The following SPATS2 variants were observed in gnomAD, a reference collection of about 807,000 sequenced individuals.
The protein encoded by SPATS2 is spermatogenesis associated serine rich 2.
SPATS2 carries 38 observed loss-of-function variants against 63.7 expected under a neutral mutation model. That is an observed-to-expected ratio of 0.60 (90% CI 0.46 to 0.78). SPATS2 has a LOEUF of 0.78. Ranked by LOEUF, SPATS2 falls within the 30% of genes least tolerant of loss-of-function variation. SPATS2 has a pLI of 0.00. For synonymous variants in SPATS2, 207 were observed against 232.9 expected (o/e 0.89, Z 1.01); for missense variants, 588 against 666.2 (o/e 0.88, Z 1.29).
At chr12:49,388,089 T>G (rs2137229425) in intron 2 of SPATS2, among the ~76,000 whole-genome samples, 1 of 152,220 alleles carries the variant, frequency 6.6e-6, no homozygotes, top group South Asian at 2.1e-4. Flanking sequence ...GCTTTTTCAC[T>G]TTAAGTCTTT....
rs1944383351 is a variant in SPATS2, at chr12:49,389,569, AT to A, written c.-244+18281del. 2.3e-5 allele frequency: 24 copies of A among 1,024,826 alleles called. No individual in the cohort carries two copies. The South Asian group carries it at 3.0e-4, about 13-fold the overall frequency. The allele number at this position is 1,024,826 out of a possible 1,614,324, so 63.5% of individuals were successfully genotyped here. The stretch of plus-strand genomic sequence containing the variant: ...CTGATGCTAAAACTCTTGTTGAAAG[AT>A]TAAGAGATCACGACGATGCAGCAGA... On this transcript the variant is annotated intron_variant, in intron 2 of 13. Coordinates refer to ENST00000552918, the MANE Select transcript of SPATS2 (RefSeq NM_023071.4).
Position 49,526,235 on chromosome 12 carries a change from A to G in SPATS2, c.1618A>G (p.Thr540Ala). The G allele has an allele frequency of 1.2e-6, 2 of 1,611,416 alleles. No individual in the cohort carries two copies. The highest frequency in any genetic ancestry group is 1.7e-6 in the Non-Finnish European group (2 of 1,178,750). ...CCAGCGCAAACCCAGGACCTCTCAG[A>G]CTGAAGCCGTGAACTCTTGAGAGAA... ...LPQRKPRTSQ[T>A]EAVNS Residue 540 changes from threonine to alanine, a missense_variant, in exon 14 of 14, where the codon ACT (threonine) becomes GCT (alanine). By Grantham distance (58) the Thr-to-Ala change is moderately conservative. Transcript: ENST00000552918.
intron 11 of SPATS2, among the ~76,000 whole-genome samples, chr12:49,522,310 A>G (rs1946954734): frequency 6.6e-6 from 1 of 152,198 alleles, no homozygotes; most frequent in African/African-American, 2.4e-5. Context: ...TATTATAAAG[A>G]GATGAAGTAG....
At chr12:49,402,023 C>T (rs1204373277) in intron 2 of SPATS2, among the ~76,000 whole-genome samples, 1 of 152,232 alleles carries the variant, frequency 6.6e-6, no homozygotes, top group Non-Finnish European at 1.5e-5. Context: ...GTCGCCCAGG[C>T]TGGAGTGCAG....
intron 2 of SPATS2, among the ~76,000 whole-genome samples, chr12:49,395,100 CTTTTTCT>C (rs1226683909): frequency 2.0e-5 from 3 of 152,106 alleles, no homozygotes; most frequent in African/African-American, 2.4e-5. Flanking sequence ...AATTTTATTT[CTTTTTCT>C]TTTTTCTTTT....
Position 49,461,004 on chromosome 12 carries a change from G to A in SPATS2, c.-9G>A, listed in dbSNP as rs756822683. ...TTCTTGTATATTTTTTGAGATCGAA[G>A]AAACGACAATGTCCAGGAAACAGAA... On this transcript the variant is annotated 5_prime_UTR_variant, in exon 3 of 14. Coordinates refer to ENST00000552918, the MANE Select transcript of SPATS2 (RefSeq NM_023071.4). 13 of 1,613,480 alleles carry A rather than the reference G, an allele frequency of 8.1e-6. No individual in the cohort carries two copies. Among genetic ancestry groups the A allele is most frequent in the Non-Finnish European group, 1.1e-5 (13 of 1,179,842 alleles).
At chr12:49,395,039 C>T (rs2137267282) in intron 2 of SPATS2, among the ~76,000 whole-genome samples, 1 of 152,078 alleles carries the variant, frequency 6.6e-6, no homozygotes, top group East Asian at 1.9e-4. Context: ...CACCACCGCA[C>T]TCCAGCCTGG....
intron 2 of SPATS2, among the ~76,000 whole-genome samples, chr12:49,431,292 A>G (rs1015408802): frequency 2.0e-5 from 3 of 151,938 alleles, no homozygotes; most frequent in Non-Finnish European, 4.4e-5. Context: ...TCTGTCGCCC[A>G]GGCTGGAGTG....
chr12:49,526,193 T>C lies in SPATS2; in HGVS notation c.1576T>C (p.Phe526Leu), dbSNP rs769462348. 15 of 1,614,078 alleles carry C rather than the reference T, an allele frequency of 9.3e-6. No individual in the cohort carries two copies. Among genetic ancestry groups the C allele is most frequent in the Middle Eastern group, 3.3e-4 (2 of 6,058 alleles). Reference sequence around the variant, plus strand: ...GGAGCCCAGCCCTCCCACGCCTTCATTCAAAAAGGGGCTCCCCCAGCGCAA... The same window carrying C: ...GGAGCCCAGCCCTCCCACGCCTTCACTCAAAAAGGGGCTCCCCCAGCGCAA... ...SMEPSPPTPS[F>L]KKGLPQRKPR... Residue 526 changes from phenylalanine to leucine, a missense_variant, in exon 14 of 14, where the codon TTC becomes CTC. Physicochemically the swap from Phe to Leu is conservative, Grantham distance 22 (BLOSUM62 0). Coordinates refer to ENST00000552918, the MANE Select transcript of SPATS2 (RefSeq NM_023071.4).
intron 2 of SPATS2, among the ~76,000 whole-genome samples, chr12:49,419,581 T>TAC (rs1210475602): frequency 6.6e-6 from 1 of 152,240 alleles, no homozygotes; most frequent in African/African-American, 2.4e-5. Context: ...AGCATTGATA[T>TAC]ACCCTTTCCT....
chr12:49,492,281 G>A (rs1347151483), intron 6 of SPATS2, among the ~76,000 whole-genome samples: 1 of 150,760 alleles, frequency 6.6e-6, no homozygotes, highest in South Asian at 2.1e-4. Context: ...GTGCCGTGGC[G>A]CGATCTCGGC....
At chr12:49,379,550 C>CA (rs565753035) in intron 2 of SPATS2, among the ~76,000 whole-genome samples, 6,056 of 44,706 alleles carry the variant, frequency 0.14, 313 homozygotes, top group Admixed American at 0.15. Context: ...GAATCCGTCT[C>CA]AAAAAAAAAA....
intron 3 of SPATS2, chr12:49,462,787 C>G: frequency 3.1e-6 from 1 of 326,988 alleles, no homozygotes; most frequent in East Asian, 8.1e-5. Flanking sequence ...TCAAGCTGTC[C>G]CTCTAAAGTC....
intron 3 of SPATS2, among the ~76,000 whole-genome samples, chr12:49,484,123 A>G (rs1946250616): frequency 6.6e-6 from 1 of 152,140 alleles, no homozygotes; most frequent in Non-Finnish European, 1.5e-5. Context: ...GGACACACAC[A>G]TGAATGTATT....
intron 2 of SPATS2, among the ~76,000 whole-genome samples, chr12:49,398,158 A>AG (rs1944546133): frequency 6.7e-6 from 1 of 148,854 alleles, no homozygotes; most frequent in African/African-American, 2.5e-5. Context: ...AAAAAAAAAA[A>AG]AAGAAAAGAA....
At position 49,437,501 on chromosome 12, in the gene SPATS2, G is replaced by A. The variant is rs549597844; in HGVS notation, c.-243-23269G>A. On this transcript the variant is annotated intron_variant, in intron 2 of 13. Transcript: ENST00000552918. ...GCAGCTGGGAGGTGGAGGTTGTAGC[G>A]AGCCGAGATCACGCCACTGCACTCC... Among the ~76,000 whole-genome samples, 975 of 152,276 alleles carry A rather than the reference G, an allele frequency of 6.4e-3. 7 individuals carry two copies. The highest frequency in any genetic ancestry group is 0.022 in the African/African-American group (904 of 41,558).
At position 49,456,971 on chromosome 12, in the gene SPATS2, CTG is replaced by C. The variant is rs1592416048; in HGVS notation, c.-243-3795_-243-3794del. 2.0e-5 allele frequency among the ~76,000 whole-genome samples: 3 copies of C among 152,090 alleles called. No homozygotes were observed. The East Asian group carries it at 5.8e-4, about 29-fold the overall frequency. ...TTCATTGCATTCATTCTATTTTCAT[CTG>C]TGTCTATTCTGTTTCTTGCTATTTC... On this transcript the variant is annotated intron_variant, in intron 2 of 13. Transcript: ENST00000552918.
chr12:49,422,638 C>T (rs113242527), intron 2 of SPATS2, among the ~76,000 whole-genome samples: 13,933 of 152,112 alleles, frequency 0.092, 750 homozygotes, highest in African/African-American at 0.14. Context: ...TGGTGGCTCA[C>T]GCCTGTAATC....
intron 2 of SPATS2, among the ~76,000 whole-genome samples, chr12:49,379,412 A>G (rs1218323416): frequency 6.7e-6 from 1 of 148,462 alleles, no homozygotes; most frequent in Non-Finnish European, 1.5e-5. Flanking sequence ...TTAGCCGGGC[A>G]TGGTAGCGGG....
Sources: allele counts gnomAD v4.1 joint callset (sites outside exome capture counted in the v4.1 genomes callset), GRCh38; gene constraint gnomAD v4.1.1; transcripts MANE v1.5; gene names NCBI Gene and HGNC (gene_info 2026-07-23, HGNC 2026-07-21).